Variants in SLC16A7 observed in about 807,000 individuals in gnomAD.
SLC16A7 encodes solute carrier family 16 member 7, also known as monocarboxylate transporter 2.
In SLC16A7, 33 loss-of-function variants were observed where a neutral mutation model predicts 34.9. The ratio of observed to expected loss-of-function variants is 0.94; its 90% CI spans 0.72 to 1.26. The LOEUF is 1.26. Ranked by LOEUF, SLC16A7 falls within the 50% of genes most tolerant of loss-of-function variation. The probability of loss-of-function intolerance (pLI) is 0.00; values close to 1 mark genes in which losing one functional copy is unlikely to be tolerated. For synonymous variants in SLC16A7, 201 were observed against 206.6 expected (o/e 0.97, Z 0.23); for missense variants, 573 against 578.1 (o/e 0.99, Z 0.09).
intron 2 of SLC16A7, among the ~76,000 whole-genome samples, chr12:59,658,058 C>T (rs1218357332): frequency 6.6e-6 from 1 of 152,006 alleles, no homozygotes; most frequent in Non-Finnish European, 1.5e-5. Context: ...CTTACACAGA[C>T]ACCTGAAATA....
chr12:59,701,678 CTT>C (rs1287814263), intron 2 of SLC16A7, among the ~76,000 whole-genome samples: 1 of 151,620 alleles, frequency 6.6e-6, no homozygotes, highest in East Asian at 1.9e-4. Context: ...GCACACACCT[CTT>C]TACTTTCCTA....
chr12:59,708,830 G>A (rs1873888480), intron 3 of SLC16A7, among the ~76,000 whole-genome samples: 1 of 151,514 alleles, frequency 6.6e-6, no homozygotes, highest in African/African-American at 2.4e-5. Flanking sequence ...ACTAATGAAA[G>A]GTTCGCAGGA....
At chr12:59,694,902 G>A (rs1872101738) in intron 2 of SLC16A7, among the ~76,000 whole-genome samples, 1 of 151,970 alleles carries the variant, frequency 6.6e-6, no homozygotes, top group South Asian at 2.1e-4. Context: ...GTCAAGCAGA[G>A]TCTTCCTGGA....
chr12:59,785,679 C>T lies in SLC16A7; in HGVS notation c.*6000C>T. 1 of 152,006 alleles carries T rather than the reference C, an allele frequency of 6.6e-6. No homozygotes were observed. Among genetic ancestry groups the T allele is most frequent in the African/African-American group, 2.4e-5 (1 of 41,378 alleles). 9.4% of individuals were successfully genotyped at this position (152,006 alleles called of 1,614,324 possible). A position where few individuals can be genotyped will look rare whatever the true frequency, so the allele number is the denominator to read the frequency against. On this transcript the variant is annotated 3_prime_UTR_variant, in exon 6 of 6. Coordinates refer to ENST00000547379, the MANE Select transcript of SLC16A7 (RefSeq NM_001270623.2). ...ACATGTTTTTCAGTCTCCATATATA[C>T]TTGTTAATAAGGTGAGCAATATTCA...
chr12:59,599,134 T>C (rs1878565641), intron 1 of SLC16A7, among the ~76,000 whole-genome samples: 1 of 152,158 alleles, frequency 6.6e-6, no homozygotes, highest in South Asian at 2.1e-4. Context: ...GTTTTCTCCA[T>C]AGCCCAGTAC....
intron 3 of SLC16A7, among the ~76,000 whole-genome samples, chr12:59,725,444 T>C (rs1351016629): frequency 6.6e-6 from 1 of 152,144 alleles, no homozygotes; most frequent in African/African-American, 2.4e-5. Flanking sequence ...ATCATTCTTT[T>C]AGAATTATTT....
intron 2 of SLC16A7, among the ~76,000 whole-genome samples, chr12:59,670,442 C>G (rs1869584163): frequency 6.6e-6 from 1 of 152,120 alleles, no homozygotes; most frequent in Non-Finnish European, 1.5e-5. Flanking sequence ...AAGTCCTTCC[C>G]ACGTGTAAAA....
Position 59,786,645 on chromosome 12 carries a change from A to G in SLC16A7, c.*6966A>G, listed in dbSNP as rs1046314819. 1 of 152,126 alleles carries G rather than the reference A, an allele frequency of 6.6e-6. No homozygotes were observed. Among genetic ancestry groups the G allele is most frequent in the African/African-American group, 2.4e-5 (1 of 41,448 alleles). The allele number at this position is 152,126 out of a possible 1,614,324, so 9.4% of individuals were successfully genotyped here. On this transcript the variant is annotated 3_prime_UTR_variant, in exon 6 of 6. Coordinates refer to ENST00000547379, the MANE Select transcript of SLC16A7 (RefSeq NM_001270623.2). ...CTCAGAAGATATGTTTAATGAATTC[A>G]TTTCATCCTCTCAACCCTCAGTTTT...
chr12:59,624,713 CA>C, intron 1 of SLC16A7, among the ~76,000 whole-genome samples: 1 of 150,790 alleles, frequency 6.6e-6, no homozygotes, highest in East Asian at 2.0e-4. Context: ...AATTTAGAGG[CA>C]GACTTGTTTC....
chr12:59,663,537 C>T (rs1176007331), intron 2 of SLC16A7, among the ~76,000 whole-genome samples: 1 of 152,034 alleles, frequency 6.6e-6, no homozygotes, highest in East Asian at 1.9e-4. Flanking sequence ...TGAACACTTA[C>T]TAGCCACGAA....
chr12:59,639,177 T>G (rs990624359), intron 1 of SLC16A7, among the ~76,000 whole-genome samples: 1 of 152,142 alleles, frequency 6.6e-6, no homozygotes, highest in East Asian at 1.9e-4. Context: ...TCCATCAATT[T>G]TGTTTGAGAC....
intron 1 of SLC16A7, among the ~76,000 whole-genome samples, chr12:59,607,914 A>G (rs571077442): frequency 5.3e-5 from 8 of 152,312 alleles, no homozygotes; most frequent in African/African-American, 1.9e-4. Context: ...CCAGAAATGG[A>G]CTCTTAAAAT....
intron 2 of SLC16A7, chr12:59,696,535 A>C (rs1191455462): frequency 6.6e-6 from 1 of 152,072 alleles, no homozygotes; most frequent in Non-Finnish European, 1.5e-5. Context: ...GTAAAACTAT[A>C]CTTTTAACTC....
intron 1 of SLC16A7, among the ~76,000 whole-genome samples, chr12:59,617,448 T>A (rs898035436): frequency 6.6e-6 from 1 of 151,968 alleles, no homozygotes; most frequent in Non-Finnish European, 1.5e-5. Flanking sequence ...TTAGGAAACA[T>A]TGCCTTAAGG....
intron 3 of SLC16A7, among the ~76,000 whole-genome samples, chr12:59,747,465 A>G (rs2137308978): frequency 6.6e-6 from 1 of 152,324 alleles, no homozygotes; most frequent in South Asian, 2.1e-4. Flanking sequence ...CTCTTTTCTA[A>G]TAAATAAACA....
intron 3 of SLC16A7, among the ~76,000 whole-genome samples, chr12:59,759,105 A>G (rs1385141419): frequency 6.6e-6 from 1 of 151,984 alleles, no homozygotes; most frequent in African/African-American, 2.4e-5. Context: ...TCTGATGACT[A>G]CTGAGTATTT....
chr12:59,728,329 T>C (rs1876533146), intron 3 of SLC16A7, among the ~76,000 whole-genome samples: 1 of 152,190 alleles, frequency 6.6e-6, no homozygotes, highest in Non-Finnish European at 1.5e-5. Context: ...CCAGTGCATA[T>C]TCTCTTAGCT....
chr12:59,751,729 G>C (rs1336704095), intron 3 of SLC16A7, among the ~76,000 whole-genome samples: 1 of 152,204 alleles, frequency 6.6e-6, no homozygotes, highest in Admixed American at 6.5e-5. Context: ...AAATGTCCCT[G>C]TCTGACAGCT....
At chr12:59,682,078 A>G (rs183460075) in intron 2 of SLC16A7, among the ~76,000 whole-genome samples, 1 of 152,334 alleles carries the variant, frequency 6.6e-6, no homozygotes, top group Admixed American at 6.5e-5. Flanking sequence ...AACTTTTGAT[A>G]AGACTAAAAT....
Sources: gnomAD v4.1 joint callset for allele counts (sites outside exome capture counted in the v4.1 genomes callset) on GRCh38, gnomAD v4.1.1 for gene constraint, MANE v1.5 for transcripts, NCBI Gene and HGNC (gene_info 2026-07-23, HGNC 2026-07-21) for gene names.